GRAMD1C: variants seen among roughly 807,000 people sequenced by gnomAD.
GRAMD1C encodes GRAM domain containing 1C.
GRAMD1C carries 89 observed loss-of-function variants against 97.8 expected under a neutral mutation model. That is an observed-to-expected ratio of 0.91 (90% confidence interval 0.77 to 1.09). The LOEUF is 1.09. GRAMD1C is among the 50% of genes least tolerant of loss of function. GRAMD1C has a pLI of 0.00. For missense variants in GRAMD1C, 740 were observed against 766.4 expected (o/e 0.97, Z 0.41); for synonymous variants, 256 against 267.0 (o/e 0.96, Z 0.40).
Position 113,945,671 on chromosome 3 carries a change from C to T in GRAMD1C, c.*193C>T. Reference sequence around the variant, plus strand: ...TGCTGGCCTTAATAATCCATCCTTTCACTTCTTATAGATATTTTTAAGCTG... The same window carrying T: ...TGCTGGCCTTAATAATCCATCCTTTTACTTCTTATAGATATTTTTAAGCTG... On this transcript the variant is annotated 3_prime_UTR_variant, in exon 18 of 18. Transcript: ENST00000358160. 1.9e-6 allele frequency: 1 copy of T among 518,262 alleles called. No individual in the cohort carries two copies. The highest frequency in any genetic ancestry group is 3.4e-6 in the Non-Finnish European group (1 of 293,856). The allele number at this position is 518,262 out of a possible 1,614,324, so 32.1% of individuals were successfully genotyped here.
chr3:113,920,032 C>G, intron 10 of GRAMD1C: 1 of 849,748 alleles, frequency 1.2e-6, no homozygotes, highest in Non-Finnish European at 1.9e-6. Flanking sequence ...CAGTAAGGTA[C>G]TTTTTGAATT....
At chr3:113,883,581 G>A (rs1016724275) in intron 6 of GRAMD1C, among the ~76,000 whole-genome samples, 2 of 148,998 alleles carry the variant, frequency 1.3e-5, no homozygotes, top group South Asian at 2.1e-4. Context: ...CTGTATATAA[G>A]AGACAAATTA....
intron 6 of GRAMD1C, among the ~76,000 whole-genome samples, chr3:113,892,584 C>T (rs574113362): frequency 2.6e-5 from 4 of 152,172 alleles, no homozygotes; most frequent in Non-Finnish European, 4.4e-5. Context: ...CATGTTTAGA[C>T]GTGAGTTTAA....
At chr3:113,895,616 A>C (rs1009578079) in intron 6 of GRAMD1C, among the ~76,000 whole-genome samples, 5 of 152,232 alleles carry the variant, frequency 3.3e-5, no homozygotes, top group African/African-American at 7.2e-5. Context: ...AAAAAAAATG[A>C]ATATGAAATT....
intron 5 of GRAMD1C, among the ~76,000 whole-genome samples, chr3:113,878,622 T>C (rs1336179492): frequency 2.0e-5 from 3 of 152,288 alleles, no homozygotes; most frequent in Middle Eastern, 6.8e-3. Flanking sequence ...GCGTGATTTA[T>C]GTAATCACGT....
rs898837202 is a variant in GRAMD1C, at chr3:113,860,167, G to A, written c.175-9340G>A. ...CTCCTGAGTAGCTGGGATTACAGGC[G>A]CGTGCCACCACGCCCAGCTAATTTT... On this transcript the variant is annotated intron_variant, in intron 2 of 17. Transcript: ENST00000358160. 4.6e-5 allele frequency among the ~76,000 whole-genome samples: 7 copies of A among 152,082 alleles called. 1 individual carries two copies. Among genetic ancestry groups the A allele is most frequent in the Middle Eastern group, 6.8e-3 (2 of 294 alleles).
At chr3:113,839,271 C>A (rs1216537227) in intron 1 of GRAMD1C, among the ~76,000 whole-genome samples, 1 of 152,130 alleles carries the variant, frequency 6.6e-6, no homozygotes, top group African/African-American at 2.4e-5. Flanking sequence ...AACGTTTTTT[C>A]CAGCCTTGCC....
intron 9 of GRAMD1C, among the ~76,000 whole-genome samples, chr3:113,915,139 T>A (rs565613521): frequency 9.2e-5 from 14 of 152,338 alleles, no homozygotes; most frequent in African/African-American, 3.4e-4. Flanking sequence ...GAAGGATTTC[T>A]TAGTTCTTTT....
At chr3:113,879,963 G>C (rs1306754314) in intron 5 of GRAMD1C, among the ~76,000 whole-genome samples, 12 of 151,904 alleles carry the variant, frequency 7.9e-5, no homozygotes, top group African/African-American at 2.9e-4. Flanking sequence ...CAAAGTGTCG[G>C]GATTACCAGC....
At chr3:113,925,044 A>C (rs950281614) in intron 10 of GRAMD1C, among the ~76,000 whole-genome samples, 1 of 152,164 alleles carries the variant, frequency 6.6e-6, no homozygotes, top group Non-Finnish European at 1.5e-5. Context: ...GTCTTTTTAA[A>C]TCATTGTTGG....
chr3:113,936,002 T>C (rs1937571634), intron 13 of GRAMD1C, among the ~76,000 whole-genome samples: 2 of 152,232 alleles, frequency 1.3e-5, no homozygotes, highest in Admixed American at 1.3e-4. Context: ...ATTACATTAA[T>C]ATGTATTAAT....
At chr3:113,833,800 T>G (rs1709596344), upstream of GRAMD1C, among the ~76,000 whole-genome samples, 1 of 152,230 alleles carries the variant, frequency 6.6e-6, no homozygotes, top group East Asian at 1.9e-4. Flanking sequence ...ACATTCCAGA[T>G]TTCCAAATAA....
chr3:113,896,140 C>A (rs1935934249), intron 6 of GRAMD1C, among the ~76,000 whole-genome samples: 1 of 152,156 alleles, frequency 6.6e-6, no homozygotes, highest in Non-Finnish European at 1.5e-5. Context: ...CACACACATG[C>A]TCAAGTGATG....
chr3:113,945,473 A>G lies in GRAMD1C; in HGVS notation c.1984A>G (p.Ser662Gly). ...NKNKTGMAVE[S>G] is the part of the protein sequence containing the mutation. ...GAATAAGACTGGCATGGCTGTTGAA[A>G]GCTAGTGATCTGAAGGACTAAAACC... Residue 662 changes from serine (S) to glycine (G), a missense_variant, in exon 18 of 18, where the codon AGC becomes GGC. Coordinates refer to ENST00000358160, the MANE Select transcript of GRAMD1C (RefSeq NM_017577.5). 6.4e-7 allele frequency: 1 copy of G among 1,572,020 alleles called. No individual in the cohort carries two copies. Among genetic ancestry groups the G allele is most frequent in the Non-Finnish European group, 8.8e-7 (1 of 1,142,728 alleles).
intron 8 of GRAMD1C, among the ~76,000 whole-genome samples, chr3:113,905,754 G>A (rs557893182): frequency 6.6e-6 from 1 of 151,820 alleles, no homozygotes; most frequent in East Asian, 1.9e-4. Flanking sequence ...GGAGTGCAGT[G>A]GTGTGATCTC....
upstream of GRAMD1C, among the ~76,000 whole-genome samples, chr3:113,834,239 G>A (rs1411100654): frequency 6.6e-6 from 1 of 152,128 alleles, no homozygotes; most frequent in Non-Finnish European, 1.5e-5. Context: ...GAGTGTAGTG[G>A]TGCAATCTTG....
At chr3:113,850,781 T>A (rs1933863389) in intron 2 of GRAMD1C, 2 of 829,454 alleles carry the variant, frequency 2.4e-6, no homozygotes, top group African/African-American at 1.8e-5. Context: ...TATACTTAAT[T>A]TTTTTTTTAT....
chr3:113,908,788 A>G (rs1237112818), intron 8 of GRAMD1C, among the ~76,000 whole-genome samples, 170 bp from the exon 9 acceptor site: 1 of 152,168 alleles, frequency 6.6e-6, no homozygotes, highest in East Asian at 1.9e-4. Context: ...TTCATATTTT[A>G]CGGACCGACA....
At chr3:113,849,762 C>T (rs1420782680) in intron 2 of GRAMD1C, among the ~76,000 whole-genome samples, 1 of 152,200 alleles carries the variant, frequency 6.6e-6, no homozygotes, top group Non-Finnish European at 1.5e-5. Context: ...TTCTATTCCA[C>T]AAAACCGCCA....
Sources: gnomAD v4.1 joint callset for allele counts (sites outside exome capture counted in the v4.1 genomes callset) on GRCh38, gnomAD v4.1.1 for gene constraint, MANE v1.5 for transcripts, NCBI Gene and HGNC (gene_info 2026-07-23, HGNC 2026-07-21) for gene names.